IMPG2: variants seen among roughly 807,000 people sequenced by gnomAD.
IMPG2 encodes the protein IPM 200.
IMPG2 carries 91 observed loss-of-function variants against 129.2 expected under a neutral mutation model. The observed-to-expected ratio is 0.70, with a 90% confidence interval of 0.59 to 0.84. IMPG2 has a LOEUF of 0.84. Among genes scored for constraint, IMPG2 ranks in the 40% least tolerant of loss-of-function variants. The probability of loss-of-function intolerance (pLI) is 0.00; values close to 1 mark genes in which losing one functional copy is unlikely to be tolerated. For synonymous variants in IMPG2, 510 were observed against 517.7 expected (o/e 0.99, Z 0.20); for missense variants, 1,430 against 1,461.7 (o/e 0.98, Z 0.35).
chr3:101,229,306 A>AACC, intron 17 of IMPG2, 74 bp downstream of exon 17: 4 of 362,592 alleles, frequency 1.1e-5, no homozygotes, highest in South Asian at 2.0e-5. Flanking sequence ...ACACACCCCC[A>AACC]CCCACCACCC....
intron 14 of IMPG2, among the ~76,000 whole-genome samples, chr3:101,238,475 T>G (rs1330293530): frequency 6.6e-6 from 1 of 152,062 alleles, no homozygotes; most frequent in African/African-American, 2.4e-5. Flanking sequence ...GAGAGAAAGG[T>G]CGGGTTACCC....
Position 101,319,694 on chromosome 3 carries a change from C to A in IMPG2, c.224G>T (p.Trp75Leu), listed in dbSNP as rs1263954282. ...PLDRRETERQ[W>L]LIRRRRSILF... ...AATAGATCTCCGCCTTCTGATTAAC[C>A]ACTGTCTTTCAGTTTCTCTGCGGTC... Residue 75 changes from tryptophan to leucine, a missense_variant, in exon 2 of 19, where the codon TGG becomes TTG. By Grantham distance (61) the Trp-to-Leu change is moderately conservative. Transcript: ENST00000193391. 1 of 1,613,602 alleles carries A rather than the reference C, an allele frequency of 6.2e-7. No individual in the cohort carries two copies. The highest frequency in any genetic ancestry group is 1.3e-5 in the African/African-American group (1 of 74,882).
chr3:101,256,270 T>C (rs1261366914), intron 10 of IMPG2, among the ~76,000 whole-genome samples: 1 of 151,810 alleles, frequency 6.6e-6, no homozygotes, highest in Non-Finnish European at 1.5e-5. Context: ...CAGTAAAATC[T>C]TTTTAAAAGT....
At chr3:101,229,636 A>C (rs1392207578) in intron 16 of IMPG2, 46 bp from the exon 17 acceptor site, 3 of 1,520,648 alleles carry the variant, frequency 2.0e-6, no homozygotes, top group African/African-American at 1.4e-5. Context: ...TGGATGCTCA[A>C]CTATGTGGAA....
intron 14 of IMPG2, among the ~76,000 whole-genome samples, chr3:101,237,982 T>C (rs2107213224): frequency 6.6e-6 from 1 of 151,290 alleles, no homozygotes; most frequent in African/African-American, 2.4e-5. Flanking sequence ...TGAAAAAAGG[T>C]TAGACGAATC....
intron 8 of IMPG2, 68 bp from the exon 9 acceptor site, chr3:101,267,599 A>C (rs1706733882): frequency 7.8e-7 from 1 of 1,278,784 alleles, no homozygotes; most frequent in Admixed American, 1.7e-5. Context: ...CATTCATCAA[A>C]GTGCAAGTTA....
At chr3:101,246,204 G>T in intron 11 of IMPG2, 99 bp from the exon 12 acceptor site, 1 of 1,100,540 alleles carries the variant, frequency 9.1e-7, no homozygotes. Flanking sequence ...AGATCTTCTA[G>T]GGACAAGGAG....
chr3:101,291,526 A>T lies in IMPG2; in HGVS notation c.502-16T>A, dbSNP rs752891612. ...AAGTCAGTTTCTAAGGAAAACAAAGATATAAAAATGACTGAGTTAACAACA... is the reference window on the plus strand; with the variant it reads ...AAGTCAGTTTCTAAGGAAAACAAAGTTATAAAAATGACTGAGTTAACAACA... On this transcript the variant is annotated splice_polypyrimidine_tract_variant and intron_variant, in intron 3 of 18. Transcript: ENST00000193391. The T allele has an allele frequency of 1.2e-6, 2 of 1,606,320 alleles. No homozygotes were observed. The highest frequency in any genetic ancestry group is 2.2e-5 in the South Asian group (2 of 90,886).
At chr3:101,298,745 T>C (rs935885481) in intron 3 of IMPG2, among the ~76,000 whole-genome samples, 5 of 152,238 alleles carry the variant, frequency 3.3e-5, no homozygotes, top group African/African-American at 7.2e-5. Context: ...TTCTGGCTTG[T>C]AGGGTTTCTG....
intron 2 of IMPG2, among the ~76,000 whole-genome samples, chr3:101,319,340 C>A (rs900821017): frequency 2.6e-5 from 4 of 152,080 alleles, no homozygotes; most frequent in African/African-American, 9.7e-5. Context: ...GTTCAAAGTG[C>A]ATGTCATTAT....
chr3:101,298,493 C>T lies in IMPG2; in HGVS notation c.501+5653G>A, dbSNP rs1707105740. The stretch of plus-strand genomic sequence containing the variant: ...AGTTGATGCAGTTTCTTCATAGTGT[C>T]ATTGGTCTTTATATTTTGGTGTGTT... On this transcript the variant is annotated intron_variant, in intron 3 of 18. Coordinates refer to ENST00000193391, the MANE Select transcript of IMPG2 (RefSeq NM_016247.4). Among the ~76,000 whole-genome samples, 3 of 152,256 alleles carry T rather than the reference C, an allele frequency of 2.0e-5. No homozygotes were observed. The South Asian group carries it at 6.2e-4, about 32-fold the overall frequency.
chr3:101,237,427 A>G (rs1008699645), intron 14 of IMPG2, among the ~76,000 whole-genome samples: 20 of 152,032 alleles, frequency 1.3e-4, no homozygotes, highest in African/African-American at 4.8e-4. Flanking sequence ...ACTGGGGGAC[A>G]CCTCCCAGCA....
At chr3:101,299,052 GT>G (rs748274321) in intron 3 of IMPG2, among the ~76,000 whole-genome samples, 1 of 151,608 alleles carries the variant, frequency 6.6e-6, no homozygotes. Flanking sequence ...CATAGGTTTG[GT>G]TTTTTTTACA....
intron 1 of IMPG2, 72 bp from the exon 2 acceptor site, chr3:101,319,904 C>T: frequency 6.7e-7 from 1 of 1,500,034 alleles, no homozygotes; most frequent in Non-Finnish European, 9.2e-7. Context: ...TAAAGAAAAA[C>T]TGACACTTGG....
chr3:101,269,213 CT>C (rs1165623678), intron 8 of IMPG2, among the ~76,000 whole-genome samples: 2 of 152,198 alleles, frequency 1.3e-5, no homozygotes, highest in African/African-American at 4.8e-5. Flanking sequence ...CGTCTGCCTC[CT>C]ATCAGTGCCA....
At chr3:101,289,824 T>C (rs1216228418) in intron 4 of IMPG2, among the ~76,000 whole-genome samples, 2 of 151,446 alleles carry the variant, frequency 1.3e-5, no homozygotes, top group Non-Finnish European at 2.9e-5. Context: ...AAATAAGTGT[T>C]GATTATATGA....
rs143504663 is a variant in IMPG2, at chr3:101,252,210, A to C, written c.1239+1486T>G. 1.1e-4 allele frequency among the ~76,000 whole-genome samples: 16 copies of C among 152,286 alleles called. 1 individual carries two copies. The highest frequency in any genetic ancestry group is 3.8e-4 in the African/African-American group (16 of 41,572). On this transcript the variant is annotated intron_variant, in intron 11 of 18. Coordinates refer to ENST00000193391, the MANE Select transcript of IMPG2 (RefSeq NM_016247.4). ...TTCCTGGTGTTCAAAAGAAGCCAGA[A>C]ATCTACATTTTTATGTAAAAATCTC...
In IMPG2 at chr3:101,244,256, T is replaced by G; in HGVS notation, c.2075A>C (p.Asp692Ala). ...LSGPAVPIFA[D>A]TAAESASLTL... ...TAGAGACGCAGATTCAGCTGCAGTATCTGCGAAGATGGGCACAGCAGGCCC... is the reference window on the plus strand; with the variant it reads ...TAGAGACGCAGATTCAGCTGCAGTAGCTGCGAAGATGGGCACAGCAGGCCC... Residue 692 changes from aspartate (D) to alanine (A), a missense_variant, in exon 13 of 19, where the codon GAT (aspartate) becomes GCT (alanine). Coordinates refer to ENST00000193391, the MANE Select transcript of IMPG2 (RefSeq NM_016247.4). 1 of 1,614,022 alleles carries G rather than the reference T, an allele frequency of 6.2e-7. No individual in the cohort carries two copies. The highest frequency in any genetic ancestry group is 8.5e-7 in the Non-Finnish European group (1 of 1,180,004).
intron 3 of IMPG2, among the ~76,000 whole-genome samples, chr3:101,297,958 A>C (rs1479799248): frequency 6.6e-6 from 1 of 152,160 alleles, no homozygotes; most frequent in Non-Finnish European, 1.5e-5. Flanking sequence ...TATCCTTGTT[A>C]ATTTTCTGTC....
Sources: allele counts gnomAD v4.1 joint callset (sites outside exome capture counted in the v4.1 genomes callset), GRCh38; gene constraint gnomAD v4.1.1; transcripts MANE v1.5; gene names NCBI Gene and HGNC (gene_info 2026-07-23, HGNC 2026-07-21).